CDK15: variants seen among roughly 807,000 people sequenced by gnomAD.
CDK15 encodes the protein cyclin dependent kinase 15, also known as cyclin-dependent kinase 15.
CDK15 carries 62 observed loss-of-function variants against 60.3 expected under a neutral mutation model. That is an observed-to-expected ratio of 1.03 (90% confidence interval 0.84 to 1.27). The LOEUF (loss-of-function observed/expected upper bound fraction) is 1.27. CDK15 is among the 50% of genes most tolerant of loss of function. The pLI is 0.00. For synonymous variants in CDK15, 194 were observed against 195.7 expected (o/e 0.99, Z 0.07); for missense variants, 541 against 527.8 (o/e 1.03, Z -0.25).
intron 8 of CDK15, among the ~76,000 whole-genome samples, chr2:201,839,994 G>GT (rs916019815): frequency 4.4e-5 from 6 of 136,444 alleles, no homozygotes; most frequent in African/African-American, 1.1e-4. Flanking sequence ...TTTTGTTTTT[G>GT]TTTTTTTTGA....
chr2:201,876,523 G>A, intron 11 of CDK15: 1 of 1,245,050 alleles, frequency 8.0e-7, no homozygotes, highest in Non-Finnish European at 1.1e-6. Flanking sequence ...TTGGCTCCTA[G>A]GAGGAAGAGA....
At chr2:201,839,388 T>C (rs530100690) in intron 8 of CDK15, among the ~76,000 whole-genome samples, 1 of 152,248 alleles carries the variant, frequency 6.6e-6, no homozygotes, top group South Asian at 2.1e-4. Flanking sequence ...TAAAGGAGAC[T>C]CCAGAAACCT....
intron 10 of CDK15, chr2:201,861,252 C>T: frequency 6.0e-6 from 6 of 1,007,124 alleles, no homozygotes; most frequent in Non-Finnish European, 7.1e-6. Context: ...AGACACAGAA[C>T]ATACACAATT....
intron 8 of CDK15, among the ~76,000 whole-genome samples, chr2:201,846,863 C>T (rs1340424692): frequency 1.3e-5 from 2 of 152,112 alleles, no homozygotes; most frequent in East Asian, 3.9e-4. Context: ...ATTTATTTTG[C>T]TTAATGTTTC....
intron 10 of CDK15, among the ~76,000 whole-genome samples, chr2:201,858,852 A>G (rs1294158661): frequency 6.6e-6 from 1 of 152,190 alleles, no homozygotes; most frequent in Non-Finnish European, 1.5e-5. Context: ...TTAGTAGAGC[A>G]TAGTAACATC....
intron 8 of CDK15, among the ~76,000 whole-genome samples, chr2:201,845,613 A>G (rs1006750052): frequency 1.3e-5 from 2 of 150,934 alleles, no homozygotes; most frequent in African/African-American, 4.9e-5. Context: ...AAAAAAGACC[A>G]TATGTCTGCA....
At chr2:201,870,565 A>G (rs1483277639) in intron 10 of CDK15, among the ~76,000 whole-genome samples, 1 of 151,656 alleles carries the variant, frequency 6.6e-6, no homozygotes, top group Non-Finnish European at 1.5e-5. Flanking sequence ...AAATTAAAAA[A>G]CAAAACAAAA....
chr2:201,866,731 A>C (rs1191624701), intron 10 of CDK15, among the ~76,000 whole-genome samples: 1 of 152,208 alleles, frequency 6.6e-6, no homozygotes, highest in Non-Finnish European at 1.5e-5. Flanking sequence ...TGAAATGCCT[A>C]TCTGTTTGTG....
intron 8 of CDK15, among the ~76,000 whole-genome samples, chr2:201,838,790 G>C (rs992532002): frequency 1.3e-5 from 2 of 152,082 alleles, no homozygotes; most frequent in Non-Finnish European, 2.9e-5. Context: ...CCTATCAACT[G>C]TGTCCCTTTC....
At chr2:201,839,970 T>TGTTTTTG (rs1553525394) in intron 8 of CDK15, among the ~76,000 whole-genome samples, 3 of 150,674 alleles carry the variant, frequency 2.0e-5, no homozygotes, top group African/African-American at 7.4e-5. Context: ...CTGGGGTTTT[T>TGTTTTTG]TTTTTGTTTT....
At chr2:201,811,214 G>T (rs1402859992) in intron 3 of CDK15, among the ~76,000 whole-genome samples, 1 of 149,100 alleles carries the variant, frequency 6.7e-6, no homozygotes, top group African/African-American at 2.5e-5. Flanking sequence ...GCAGTGGCAC[G>T]ATCTTGGCTC....
intron 12 of CDK15, among the ~76,000 whole-genome samples, chr2:201,886,460 G>GGA (rs1038941311): frequency 1.3e-5 from 2 of 151,928 alleles, no homozygotes; most frequent in African/African-American, 4.8e-5. Context: ...CGAGTAGCTG[G>GGA]GATTACCTGC....
chr2:201,880,354 G>A (rs576731419), intron 12 of CDK15, among the ~76,000 whole-genome samples, 187 bp downstream of exon 12: 1 of 152,338 alleles, frequency 6.6e-6, no homozygotes, highest in East Asian at 1.9e-4. Context: ...AGTTTTGCAT[G>A]AGCTTCTCTC....
intron 1 of CDK15, 59 bp from the exon 2 acceptor site, chr2:201,807,435 C>G: frequency 6.5e-7 from 1 of 1,540,338 alleles, no homozygotes; most frequent in Non-Finnish European, 8.8e-7. Flanking sequence ...AATGGTTTTA[C>G]CAGGCACTGA....
chr2:201,834,115 G>T (rs780134250), intron 7 of CDK15, 144 bp downstream of exon 7: 1 of 1,036,564 alleles, frequency 9.6e-7, no homozygotes, highest in Non-Finnish European at 1.3e-6. Flanking sequence ...TACCACAAAG[G>T]AAGTGTGAGG....
At chr2:201,889,253 AT>A in intron 12 of CDK15, 1 of 985,408 alleles carries the variant, frequency 1.0e-6, no homozygotes, top group Non-Finnish European at 1.2e-6. Context: ...ATTGTGAGAT[AT>A]TTTGAGCACC....
At chr2:201,892,087 T>G (rs1051446518) in intron 13 of CDK15, among the ~76,000 whole-genome samples, 1 of 152,244 alleles carries the variant, frequency 6.6e-6, no homozygotes, top group African/African-American at 2.4e-5. Flanking sequence ...TTGTCTTGTC[T>G]TCAAAGAGCA....
chr2:201,886,604 C>T (rs1173568466), intron 12 of CDK15, among the ~76,000 whole-genome samples: 1 of 152,180 alleles, frequency 6.6e-6, no homozygotes, highest in Non-Finnish European at 1.5e-5. Context: ...GGATTACAGG[C>T]GTGAGTCACC....
At chr2:201,825,431 A>G (rs1220721643) in intron 6 of CDK15, among the ~76,000 whole-genome samples, 2 of 152,182 alleles carry the variant, frequency 1.3e-5, no homozygotes, top group African/African-American at 4.8e-5. Context: ...AACACATAAT[A>G]AGGGAACCTA....
Sources: gnomAD v4.1 joint callset for allele counts (sites outside exome capture counted in the v4.1 genomes callset) on GRCh38, gnomAD v4.1.1 for gene constraint, MANE v1.5 for transcripts, NCBI Gene and HGNC (gene_info 2026-07-23, HGNC 2026-07-21) for gene names.